IQGAP2: variants seen among roughly 807,000 people sequenced by gnomAD.
IQGAP2 encodes the protein ras GTPase-activating-like protein IQGAP2.
A neutral mutation model predicts 201.3 loss-of-function variants in IQGAP2; 173 were observed. The observed-to-expected ratio is 0.86, with a 90% confidence interval of 0.76 to 0.98. The LOEUF (loss-of-function observed/expected upper bound fraction) is 0.98, where lower values mean the gene tolerates loss of function less well. Among genes scored for constraint, IQGAP2 ranks in the 50% least tolerant of loss-of-function variants. The pLI is 0.00. For missense variants in IQGAP2, 1,687 were observed against 1,864.8 expected, an observed-to-expected ratio of 0.90 and a Z score of 1.76; for synonymous variants, 675 against 673.9, an observed-to-expected ratio of 1.00 and a Z score of -0.03.
intron 1 of IQGAP2, among the ~76,000 whole-genome samples, chr5:76,436,519 T>TA (rs1752706155): frequency 4.3e-4 from 9 of 21,172 alleles, no homozygotes; most frequent in African/African-American, 6.1e-4. Context: ...ATATATATAT[T>TA]TTTTTTTTTT....
intron 2 of IQGAP2, among the ~76,000 whole-genome samples, chr5:76,484,909 G>A (rs1233918723): frequency 1.3e-5 from 2 of 152,170 alleles, no homozygotes; most frequent in Non-Finnish European, 2.9e-5. Flanking sequence ...ACGACTCATT[G>A]CAGACCTGAC....
chr5:76,599,382 C>A (rs1165846696), intron 10 of IQGAP2, among the ~76,000 whole-genome samples: 1 of 152,134 alleles, frequency 6.6e-6, no homozygotes, highest in Non-Finnish European at 1.5e-5. Context: ...TGCTTGAGGA[C>A]ACTCATTCAT....
chr5:76,538,324 G>A (rs1001972292), intron 2 of IQGAP2, among the ~76,000 whole-genome samples: 1 of 150,530 alleles, frequency 6.6e-6, no homozygotes, highest in African/African-American at 2.5e-5. Context: ...AATTCAAGAT[G>A]AGATTTGGGT....
chr5:76,503,716 C>T (rs1317076334), intron 2 of IQGAP2, among the ~76,000 whole-genome samples: 2 of 151,922 alleles, frequency 1.3e-5, no homozygotes, highest in Non-Finnish European at 2.9e-5. Context: ...CTCAGCCTCC[C>T]GAGTTAGCTG....
At chr5:76,619,514 C>CCTTTTTTTTTTTTTTTTTT (rs1561518620) in intron 13 of IQGAP2, among the ~76,000 whole-genome samples, 1 of 104,266 alleles carries the variant, frequency 9.6e-6, no homozygotes, top group Non-Finnish European at 1.9e-5. Flanking sequence ...TAAGGATCTT[C>CCTTTTTTTTTTTTTTTTTT]TTTTTTTTTT....
intron 1 of IQGAP2, among the ~76,000 whole-genome samples, chr5:76,436,065 T>C (rs960113053): frequency 2.0e-5 from 3 of 152,170 alleles, no homozygotes; most frequent in Non-Finnish European, 4.4e-5. Flanking sequence ...TGTACATTGA[T>C]TTTATAACCT....
chr5:76,666,204 C>A (rs1270977648), intron 22 of IQGAP2, among the ~76,000 whole-genome samples: 2 of 152,194 alleles, frequency 1.3e-5, no homozygotes, highest in Non-Finnish European at 2.9e-5. Flanking sequence ...CAAGTGGCCA[C>A]CACATGGCGG....
chr5:76,697,891 C>T (rs574360695), intron 32 of IQGAP2, 96 bp from the exon 33 acceptor site: 23 of 854,500 alleles, frequency 2.7e-5, no homozygotes, highest in Non-Finnish European at 3.6e-5. Flanking sequence ...TTACAAATAG[C>T]GACTTACTAC....
chr5:76,620,991 A>G (rs1241786109), intron 13 of IQGAP2, among the ~76,000 whole-genome samples: 1 of 152,214 alleles, frequency 6.6e-6, no homozygotes, highest in East Asian at 1.9e-4. Flanking sequence ...TGTATAGAAA[A>G]TAGATTCTCC....
At chr5:76,526,360 A>G (rs1208555122) in intron 2 of IQGAP2, among the ~76,000 whole-genome samples, 1 of 152,232 alleles carries the variant, frequency 6.6e-6, no homozygotes, top group Non-Finnish European at 1.5e-5. Context: ...ACTTTATGCT[A>G]GGCAGGGAAC....
At position 76,462,607 on chromosome 5, in the gene IQGAP2, GAT is replaced by G. The variant is rs1754526447; in HGVS notation, c.146+941_146+942del. On this transcript the variant is annotated intron_variant, in intron 2 of 35. Coordinates refer to ENST00000274364, the MANE Select transcript of IQGAP2 (RefSeq NM_006633.5). ...GCGACAGTATTGTTCCCTGGACAAAGATATGTTCCAGCCCTCTTAGCTATATA... is the reference window on the plus strand; with the variant it reads ...GCGACAGTATTGTTCCCTGGACAAAGATGTTCCAGCCCTCTTAGCTATATA... Among the ~76,000 whole-genome samples, 5 of 152,282 alleles carry G rather than the reference GAT, an allele frequency of 3.3e-5. No individual in the cohort carries two copies. In the South Asian group the frequency reaches 1.0e-3, roughly 32 times the overall value.
intron 1 of IQGAP2, among the ~76,000 whole-genome samples, chr5:76,425,178 T>C (rs1043434554): frequency 3.3e-5 from 5 of 152,236 alleles, no homozygotes; most frequent in Non-Finnish European, 7.3e-5. Flanking sequence ...CTGGAGACTA[T>C]GCTAGCTCAG....
intron 2 of IQGAP2, among the ~76,000 whole-genome samples, chr5:76,512,500 T>G (rs1321879823): frequency 6.6e-6 from 1 of 152,328 alleles, no homozygotes; most frequent in Non-Finnish European, 1.5e-5. Flanking sequence ...CTTTAAGAGA[T>G]AACTTGGGCT....
intron 12 of IQGAP2, among the ~76,000 whole-genome samples, 181 bp from the exon 13 acceptor site, chr5:76,610,839 T>C (rs1748334618): frequency 6.6e-6 from 1 of 152,206 alleles, no homozygotes; most frequent in Admixed American, 6.5e-5. Flanking sequence ...GAATTGAATG[T>C]GTTCTTAATT....
At chr5:76,490,558 T>C (rs145893644) in intron 2 of IQGAP2, among the ~76,000 whole-genome samples, 17 of 152,170 alleles carry the variant, frequency 1.1e-4, no homozygotes, top group Admixed American at 2.0e-4. Flanking sequence ...GTGGAGAGAA[T>C]GAAAGATTCA....
At chr5:76,638,624 G>A (rs1260116119) in intron 16 of IQGAP2, among the ~76,000 whole-genome samples, 1 of 152,138 alleles carries the variant, frequency 6.6e-6, no homozygotes, top group Non-Finnish European at 1.5e-5. Context: ...AGCCAAAAGA[G>A]CTATTTTCAG....
At chr5:76,495,164 CTA>C (rs1464870298) in intron 2 of IQGAP2, among the ~76,000 whole-genome samples, 1 of 152,126 alleles carries the variant, frequency 6.6e-6, no homozygotes, top group Non-Finnish European at 1.5e-5. Flanking sequence ...TACAATATAT[CTA>C]TGTTATAAAA....
At chr5:76,655,817 A>G (rs1284776707) in intron 20 of IQGAP2, among the ~76,000 whole-genome samples, 1 of 152,228 alleles carries the variant, frequency 6.6e-6, no homozygotes, top group Non-Finnish European at 1.5e-5. Context: ...CTATCTCCTT[A>G]CAGTCCCAAC....
chr5:76,505,561 G>GA (rs554102192), intron 2 of IQGAP2, among the ~76,000 whole-genome samples: 174 of 149,740 alleles, frequency 1.2e-3, no homozygotes, highest in African/African-American at 3.3e-3. Context: ...ATTTCTTTAA[G>GA]AAAAAAAAAA....
Sources: gnomAD v4.1 joint callset for allele counts (sites outside exome capture counted in the v4.1 genomes callset) on GRCh38, gnomAD v4.1.1 for gene constraint, MANE v1.5 for transcripts, NCBI Gene and HGNC (gene_info 2026-07-23, HGNC 2026-07-21) for gene names.